Variants in USP36 observed in about 807,000 individuals in gnomAD.
USP36 encodes ubiquitin specific peptidase 36, also known as ubiquitin carboxyl-terminal hydrolase 36.
USP36 carries 59 observed loss-of-function variants against 111.5 expected under a neutral mutation model. That is an observed-to-expected ratio of 0.53 (90% CI 0.43 to 0.66). The LOEUF is 0.66. USP36 is among the 30% of genes least tolerant of loss of function. The probability of loss-of-function intolerance (pLI) is 0.00; values close to 1 mark genes in which losing one functional copy is unlikely to be tolerated. For synonymous variants in USP36, 628 were observed against 581.0 expected, an observed-to-expected ratio of 1.08 and a Z score of -1.16; for missense variants, 1,488 against 1,468.0, an observed-to-expected ratio of 1.01 and a Z score of -0.22.
intron 6 of USP36, 106 bp downstream of exon 6, chr17:78,827,139 C>A: frequency 7.7e-7 from 1 of 1,305,988 alleles, no homozygotes; most frequent in Non-Finnish European, 1.1e-6. Context: ...CCAAGGGCAG[C>A]CTGGGTAGAA....
At chr17:78,830,305 T>C (rs950468089) in intron 4 of USP36, among the ~76,000 whole-genome samples, 3 of 152,258 alleles carry the variant, frequency 2.0e-5, no homozygotes, top group Non-Finnish European at 4.4e-5. Flanking sequence ...CAGCAATGGC[T>C]TTACAAAAAT....
At chr17:78,838,008 G>A (rs1473243843) in intron 2 of USP36, among the ~76,000 whole-genome samples, 1 of 152,108 alleles carries the variant, frequency 6.6e-6, no homozygotes, top group Non-Finnish European at 1.5e-5. Flanking sequence ...TAACTTGAGG[G>A]CAGGAGCCTG....
chr17:78,804,021 A>G, intron 15 of USP36, 43 bp from the exon 16 acceptor site: 3 of 1,441,292 alleles, frequency 2.1e-6, no homozygotes, highest in Non-Finnish European at 2.8e-6. Context: ...GTTCTGAAAG[A>G]CCCAGCAGAG....
rs1204955894 is a variant in USP36, at chr17:78,821,079, C to A, written c.758-18G>T. Reference sequence around the variant, plus strand: ...GCACTTCACTGCAACAGAACAGAGGCAGTGGAGCAGGTGGGGCCTGGCAGA... The same window carrying A: ...GCACTTCACTGCAACAGAACAGAGGAAGTGGAGCAGGTGGGGCCTGGCAGA... On this transcript the variant is annotated intron_variant, in intron 7 of 20. Transcript: ENST00000449938. 5 of 1,587,294 alleles carry A rather than the reference C, an allele frequency of 3.2e-6. No homozygotes were observed. The highest frequency in any genetic ancestry group is 4.3e-6 in the Non-Finnish European group (5 of 1,166,162).
chr17:78,831,546 G>A (rs1229890475), intron 4 of USP36, among the ~76,000 whole-genome samples: 1 of 152,194 alleles, frequency 6.6e-6, no homozygotes, highest in East Asian at 1.9e-4. Context: ...CTGGGAGGTG[G>A]GGGTTGCAGT....
At chr17:78,804,848 GA>G (rs1034273500) in intron 15 of USP36, among the ~76,000 whole-genome samples, 2 of 151,698 alleles carry the variant, frequency 1.3e-5, no homozygotes, top group African/African-American at 4.8e-5. Context: ...AAATGGTAAG[GA>G]AAAAAAAGAT....
chr17:78,814,445 G>C lies in USP36; in HGVS notation c.1131C>G (p.Ser377Arg). 1 of 1,614,194 alleles carries C rather than the reference G, an allele frequency of 6.2e-7. No homozygotes were observed. Among genetic ancestry groups the C allele is most frequent in the Admixed American group, 1.7e-5 (1 of 60,030 alleles). ...AGCAGTAATAGTGCCCGGCATGGCA[G>C]CTGTAGCCCGAGTGCACCAGGACAG... is the stretch of plus-strand genomic sequence containing the variant. ...LYAVLVHSGY[S>R]CHAGHYYCYV... Residue 377 changes from serine to arginine, a missense_variant, in exon 11 of 21, where the codon AGC becomes AGG. Ser to Arg is a moderately radical substitution (Grantham distance 110, BLOSUM62 -1). Transcript: ENST00000449938.
intron 15 of USP36, among the ~76,000 whole-genome samples, chr17:78,804,653 A>AAG (rs2093847908): frequency 7.4e-6 from 1 of 135,108 alleles, no homozygotes; most frequent in African/African-American, 2.8e-5. Flanking sequence ...AAAAAAAAAA[A>AAG]GCAAGCCAAC....
chr17:78,839,248 G>A (rs1162085011), intron 1 of USP36, among the ~76,000 whole-genome samples: 1 of 152,174 alleles, frequency 6.6e-6, no homozygotes, highest in Non-Finnish European at 1.5e-5. Flanking sequence ...CAAACACACA[G>A]ATGGAGAACC....
chr17:78,821,401 TATATATATA>T (rs2094318723), intron 7 of USP36: 1 of 54,810 alleles, frequency 1.8e-5, no homozygotes, highest in African/African-American at 9.4e-5. Context: ...TATATATATA[TATATATATA>T]TATATATATA....
intron 6 of USP36, chr17:78,823,072 T>C (rs374377239): frequency 2.5e-6 from 1 of 398,820 alleles, no homozygotes; most frequent in Non-Finnish European, 4.4e-6. Flanking sequence ...CCACAGAACA[T>C]GCACACCTCA....
Position 78,803,800 on chromosome 17 carries a change from G to C in USP36, c.2395C>G (p.Pro799Ala). The C allele has an allele frequency of 6.2e-7, 1 of 1,612,958 alleles. No homozygotes were observed. The highest frequency in any genetic ancestry group is 8.5e-7 in the Non-Finnish European group (1 of 1,180,012). ...EDLVSLPHQL[P>A]EASEPPQSPS... Reference sequence around the variant, plus strand: ...CTCTGGGGGGGCTCACTGGCCTCTGGCAACTGGTGTGGAAGAGACACAAGG... The same window carrying C: ...CTCTGGGGGGGCTCACTGGCCTCTGCCAACTGGTGTGGAAGAGACACAAGG... Residue 799 changes from proline (P) to alanine (A), a missense_variant, in exon 16 of 21, where the codon CCA (proline) becomes GCA (alanine). Around this residue, in one of 3 missense-constraint regions of USP36, gnomAD observed 1,073 missense variants for 994.1 expected, o/e 1.08. Coordinates refer to ENST00000449938, the MANE Select transcript of USP36 (RefSeq NM_001385174.1). The surrounding 1 kb of genome is among the most constrained non-coding windows in gnomAD (Gnocchi z 4.6).
rs747340901 is a variant in USP36, at chr17:78,821,086, G to A, written c.758-25C>T. The A allele has an allele frequency of 2.5e-6, 4 of 1,580,894 alleles. No homozygotes were observed. The East Asian group carries it at 6.9e-5, about 27-fold the overall frequency. ...ACTGCAACAGAACAGAGGCAGTGGA[G>A]CAGGTGGGGCCTGGCAGAGGCACTC... is the stretch of plus-strand genomic sequence containing the variant. On this transcript the variant is annotated intron_variant, in intron 7 of 20. Coordinates refer to ENST00000449938, the MANE Select transcript of USP36 (RefSeq NM_001385174.1).
intron 2 of USP36, among the ~76,000 whole-genome samples, chr17:78,837,565 T>C (rs1475204904): frequency 6.6e-6 from 1 of 152,148 alleles, no homozygotes; most frequent in Non-Finnish European, 1.5e-5. Context: ...TGCAGCTGCA[T>C]GGAAACTGTA....
rs764331946 is a variant in USP36, at chr17:78,803,471, G to T, written c.2724C>A (p.His908Gln). 3 of 1,614,048 alleles carry T rather than the reference G, an allele frequency of 1.9e-6. No homozygotes were observed. Among genetic ancestry groups the T allele is most frequent in the Non-Finnish European group, 8.5e-7 (1 of 1,180,022 alleles). ...TCCTCCGCTTCCTGCTGCTCGCGTG[G>T]TGGCCGTCCGTAACACATCCCACCT... ...GQQVGCVTDG[H>Q]HASSRKRRRK... Residue 908 changes from histidine to glutamine, a missense_variant, in exon 16 of 21, where the codon CAC (histidine) becomes CAA (glutamine). Physicochemically the swap from His to Gln is conservative, Grantham distance 24. This residue lies in a region of USP36 where 1,073 missense variants were observed against 994.1 expected (regional missense o/e 1.08). Transcript: ENST00000449938. The surrounding 1 kb of genome is among the most constrained non-coding windows in gnomAD (Gnocchi z 4.6).
In USP36 at chr17:78,802,431, T is replaced by C. The variant is rs771484197; in HGVS notation, c.2915A>G (p.Asp972Gly). ...KQETQRAVEE[D>G]GHLKCPRSAK... The stretch of plus-strand genomic sequence containing the variant: ...ACTCCTTGGGCATTTGAGATGCCCA[T>C]CCTCTTCTACTGCCCGCTGTGTCTC... Residue 972 changes from aspartate (D) to glycine (G), a missense_variant, in exon 17 of 21, where the codon GAT (aspartate) becomes GGT (glycine). This residue lies in a region of USP36 where 1,073 missense variants were observed against 994.1 expected (regional missense o/e 1.08). Transcript: ENST00000449938. The C allele has an allele frequency of 6.2e-7, 1 of 1,612,878 alleles. No individual in the cohort carries two copies. Among genetic ancestry groups the C allele is most frequent in the Non-Finnish European group, 8.5e-7 (1 of 1,179,838 alleles).
chr17:78,815,893 CAT>C (rs2094172881), intron 10 of USP36, among the ~76,000 whole-genome samples: 1 of 152,194 alleles, frequency 6.6e-6, no homozygotes, highest in South Asian at 2.1e-4. Flanking sequence ...ATGCACAACA[CAT>C]ACATGCACGC....
In USP36 at chr17:78,804,008, G is replaced by C. The variant is rs1425290407; in HGVS notation, c.2217-30C>G. On this transcript the variant is annotated intron_variant, in intron 15 of 20. Transcript: ENST00000449938. ...GGGGACAGCCAGGAAACAGGGAGAG[G>C]ATGTTCTGAAAGACCCAGCAGAGCT... is the stretch of plus-strand genomic sequence containing the variant. 3 of 1,506,896 alleles carry C rather than the reference G, an allele frequency of 2.0e-6. No homozygotes were observed. In the African/African-American group the frequency reaches 4.1e-5, roughly 21 times the overall value. 93.3% of individuals were successfully genotyped at this position (1,506,896 alleles called of 1,614,324 possible). A position where few individuals can be genotyped will look rare whatever the true frequency, so the allele number is the denominator to read the frequency against.
At position 78,802,538 on chromosome 17, in the gene USP36, G is replaced by T. The variant is rs1445810111; in HGVS notation, c.2811-3C>A. The T allele has an allele frequency of 1.2e-6, 2 of 1,602,612 alleles. No homozygotes were observed. Among genetic ancestry groups the T allele is most frequent in the South Asian group, 2.2e-5 (2 of 90,728 alleles). On this transcript the variant is annotated splice_region_variant and splice_polypyrimidine_tract_variant and intron_variant, in intron 16 of 20. Transcript: ENST00000449938. ...CACCATCACCCATGGGAGAGCAGCT[G>T]CTTGGAAGTGAGAGGCAGCAGTCAG... is the stretch of plus-strand genomic sequence containing the variant.
Sources: allele counts gnomAD v4.1 joint callset (sites outside exome capture counted in the v4.1 genomes callset), GRCh38; gene constraint gnomAD v4.1.1; regional missense constraint gnomAD v4.1.1; non-coding constraint Gnocchi (gnomAD v3.1); transcripts MANE v1.5; gene names NCBI Gene and HGNC (gene_info 2026-07-23, HGNC 2026-07-21).